FAM168A: variants seen among roughly 807,000 people sequenced by gnomAD.
FAM168A encodes protein FAM168A.
In FAM168A, 3 loss-of-function variants were observed where a neutral mutation model predicts 28.5. The observed-to-expected ratio is 0.11, with a 90% CI of 0.05 to 0.27. The LOEUF is 0.27. FAM168A is among the 10% of genes least tolerant of loss of function. FAM168A has a pLI of 1.00. For synonymous variants in FAM168A, 122 were observed against 124.2 expected (o/e 0.98, Z 0.12); for missense variants, 222 against 311.5 (o/e 0.71, Z 2.16).
intron 1 of FAM168A, among the ~76,000 whole-genome samples, chr11:73,505,267 T>C (rs892712825): frequency 1.3e-5 from 2 of 151,378 alleles, no homozygotes; most frequent in African/African-American, 4.8e-5. Context: ...AGCAAGGACT[T>C]TGGAGACAGA....
At chr11:73,449,033 T>TG (rs1181517595) in intron 2 of FAM168A, among the ~76,000 whole-genome samples, 1 of 152,158 alleles carries the variant, frequency 6.6e-6, no homozygotes, top group African/African-American at 2.4e-5. Context: ...TAGAGTGCAG[T>TG]GGCATGATCA....
chr11:73,485,109 T>C (rs1868036246), intron 1 of FAM168A, among the ~76,000 whole-genome samples: 1 of 152,206 alleles, frequency 6.6e-6, no homozygotes, highest in Non-Finnish European at 1.5e-5. Context: ...TCCAATCAAG[T>C]TGACACTCAG....
intron 1 of FAM168A, among the ~76,000 whole-genome samples, chr11:73,588,326 GA>G (rs1324321907): frequency 2.6e-5 from 4 of 152,260 alleles, no homozygotes; most frequent in East Asian, 1.9e-4. Context: ...ATGAAAATTA[GA>G]AAAGATTTGT....
intron 4 of FAM168A, 47 bp from the exon 5 acceptor site, chr11:73,411,583 C>G: frequency 6.2e-7 from 1 of 1,609,070 alleles, no homozygotes; most frequent in Non-Finnish European, 8.5e-7. Flanking sequence ...GGCAGAAAAG[C>G]ATTGCTAGAA....
chr11:73,503,807 T>C (rs1035753485), intron 1 of FAM168A, among the ~76,000 whole-genome samples: 4 of 151,938 alleles, frequency 2.6e-5, no homozygotes, highest in South Asian at 2.1e-4. Context: ...TACCAAAACA[T>C]AGAGACCAAT....
rs748031642 is a variant in FAM168A at position 73,401,215 on chromosome 11, C to T, written c.*5548G>A. The T allele has an allele frequency of 2.0e-5, 3 of 152,108 alleles. No individual in the cohort carries two copies. The allele number at this position is 152,108 out of a possible 1,614,324, so 9.4% of individuals were successfully genotyped here. The stretch of plus-strand genomic sequence containing the variant: ...TTAAAAAATACAAAATCATATACAA[C>T]GCTCTCTTCACAGGGATGTTACATG... On this transcript the variant is annotated 3_prime_UTR_variant, in exon 8 of 8. Coordinates refer to ENST00000356467, the MANE Select transcript of FAM168A (RefSeq NM_015159.3).
chr11:73,593,031 G>GC (rs1469867861), intron 1 of FAM168A, among the ~76,000 whole-genome samples: 1 of 152,076 alleles, frequency 6.6e-6, no homozygotes. Context: ...TAAGAATAAA[G>GC]CAAGTCAGAA....
chr11:73,589,487 G>T (rs1590756546), intron 1 of FAM168A, among the ~76,000 whole-genome samples: 1 of 133,298 alleles, frequency 7.5e-6, no homozygotes, highest in Non-Finnish European at 1.6e-5. Flanking sequence ...AACGATAGCT[G>T]ATAAGCTGAA....
rs192713864 is a variant in FAM168A at position 73,587,220 on chromosome 11, A to G, written c.-19+10703T>C. Among the ~76,000 whole-genome samples the G allele has an allele frequency of 3.8e-4, 58 of 151,616 alleles. 1 individual carries two copies. The highest frequency in any genetic ancestry group is 1.4e-3 in the African/African-American group (57 of 41,328). ...TTAAAGAATGTTCTTGCCAGACGCA[A>G]TGGCTCACACCTGTAATCCCAGAAC... is the stretch of plus-strand genomic sequence containing the variant. On this transcript the variant is annotated intron_variant, in intron 1 of 7. Coordinates refer to ENST00000356467, the MANE Select transcript of FAM168A (RefSeq NM_015159.3).
intron 1 of FAM168A, among the ~76,000 whole-genome samples, chr11:73,543,262 C>CTTTTTTTTTTTT (rs58715872): frequency 4.5e-5 from 5 of 111,858 alleles, no homozygotes; most frequent in Admixed American, 9.7e-5. Context: ...ATTAATTGTT[C>CTTTTTTTTTTTT]TTTTTTTTTT....
intron 1 of FAM168A, among the ~76,000 whole-genome samples, chr11:73,487,566 C>A (rs927546524): frequency 6.6e-6 from 1 of 152,120 alleles, no homozygotes; most frequent in African/African-American, 2.4e-5. Flanking sequence ...TATCATAATT[C>A]CTGGTAATTT....
intron 2 of FAM168A, among the ~76,000 whole-genome samples, chr11:73,455,996 T>C (rs1423144495): frequency 6.6e-6 from 1 of 152,254 alleles, no homozygotes; most frequent in Non-Finnish European, 1.5e-5. Context: ...GTAGGGCCTT[T>C]AGAGCCAGGC....
At chr11:73,498,931 C>G (rs1236599830) in intron 1 of FAM168A, among the ~76,000 whole-genome samples, 1 of 152,196 alleles carries the variant, frequency 6.6e-6, no homozygotes, top group African/African-American at 2.4e-5. Context: ...GGCTTAGCCT[C>G]TCCTGGTAGT....
At chr11:73,515,605 C>CA (rs999041741) in intron 1 of FAM168A, among the ~76,000 whole-genome samples, 5 of 146,796 alleles carry the variant, frequency 3.4e-5, no homozygotes, top group South Asian at 4.4e-4. Context: ...TTAACAACAA[C>CA]AAAAAAATTT....
chr11:73,442,674 C>G (rs1056000261), intron 2 of FAM168A, among the ~76,000 whole-genome samples: 1 of 151,844 alleles, frequency 6.6e-6, no homozygotes, highest in Non-Finnish European at 1.5e-5. Context: ...ATCCTTTATA[C>G]GTACTGAGAG....
At chr11:73,430,293 TGTGTGTGTGTCCCAAGGGGTGTGTGG>T in intron 3 of FAM168A, 1 of 242,030 alleles carries the variant, frequency 4.1e-6, no homozygotes. Flanking sequence ...TGTGTGTGTG[TGTGTGTGTGTCCCAAGGGGTGTGTGG>T]GTGTGTGTGT....
chr11:73,533,174 G>A (rs1009294352), intron 1 of FAM168A, among the ~76,000 whole-genome samples: 1 of 152,118 alleles, frequency 6.6e-6, no homozygotes, highest in Non-Finnish European at 1.5e-5. Context: ...TCTATAAAAT[G>A]GGGATAATCC....
chr11:73,435,781 T>C (rs902936322), intron 2 of FAM168A, among the ~76,000 whole-genome samples: 1 of 152,196 alleles, frequency 6.6e-6, no homozygotes, highest in African/African-American at 2.4e-5. Flanking sequence ...CACTGAGTTC[T>C]TGAAAAGACA....
intron 1 of FAM168A, among the ~76,000 whole-genome samples, chr11:73,470,292 GACA>G (rs962199861): frequency 2.0e-5 from 3 of 152,170 alleles, no homozygotes; most frequent in African/African-American, 7.2e-5. Context: ...TTGCTCATGT[GACA>G]ACAACAACAC....
Sources: allele counts gnomAD v4.1 joint callset (sites outside exome capture counted in the v4.1 genomes callset), GRCh38; gene constraint gnomAD v4.1.1; transcripts MANE v1.5; gene names NCBI Gene and HGNC (gene_info 2026-07-23, HGNC 2026-07-21).